Variants in BCL2L14 observed in about 807,000 individuals in gnomAD.
BCL2L14 encodes the protein BCL2 like 14.
BCL2L14 carries 27 observed loss-of-function variants against 35.3 expected under a neutral mutation model. That is an observed-to-expected ratio of 0.76 (90% CI 0.56 to 1.05). The LOEUF is 1.05. Among genes scored for constraint, BCL2L14 ranks in the 50% least tolerant of loss-of-function variants. The pLI is 0.00. For synonymous variants in BCL2L14, 139 were observed against 145.9 expected (o/e 0.95, Z 0.34); for missense variants, 377 against 382.6 (o/e 0.99, Z 0.12).
Position 12,064,423 on chromosome 12 carries a change from T to G in BCL2L14, c.-272+12576T>G, listed in dbSNP as rs190524718. ...CACCCAAAAGGTGTGAGCTACCATA[T>G]CCCACCTACTTAACTCTTTTGTATC... On this transcript the variant is annotated intron_variant, in intron 2 of 3. Transcript: ENST00000461264. Among the ~76,000 whole-genome samples, 430 of 152,228 alleles carry G rather than the reference T, an allele frequency of 2.8e-3. 3 individuals carry two copies. The highest frequency in any genetic ancestry group is 9.8e-3 in the African/African-American group (409 of 41,542).
chr12:12,088,645 T>C (rs539409751), intron 3 of BCL2L14, among the ~76,000 whole-genome samples: 1 of 152,198 alleles, frequency 6.6e-6, no homozygotes, highest in African/African-American at 2.4e-5. Context: ...TCCCGAGAAC[T>C]TCCTTACCCT....
At chr12:12,059,452 C>T (rs1435573569) in intron 2 of BCL2L14, among the ~76,000 whole-genome samples, 1 of 152,032 alleles carries the variant, frequency 6.6e-6, no homozygotes, top group Non-Finnish European at 1.5e-5. Flanking sequence ...CTCTGTGCCC[C>T]AATCCCTTAT....
intron 2 of BCL2L14, among the ~76,000 whole-genome samples, chr12:12,059,071 G>A (rs1376374006): frequency 1.1e-4 from 16 of 152,250 alleles, no homozygotes; most frequent in African/African-American, 1.9e-4. Context: ...AAGGAGACAC[G>A]TTTTATCCGT....
intron 5 of BCL2L14, chr12:12,095,993 T>A: frequency 1.0e-6 from 1 of 985,364 alleles, no homozygotes; most frequent in Non-Finnish European, 1.2e-6. Context: ...GAGGACAGGT[T>A]CCTCAACATT....
intron 1 of BCL2L14, among the ~76,000 whole-genome samples, chr12:12,076,618 C>T (rs1403688600): frequency 6.6e-6 from 1 of 152,144 alleles, no homozygotes; most frequent in Non-Finnish European, 1.5e-5. Flanking sequence ...TTTTTGTCCC[C>T]TCCAGCATCA....
At chr12:12,050,546 C>T (rs977473911) in intron 1 of BCL2L14, among the ~76,000 whole-genome samples, 3 of 151,484 alleles carry the variant, frequency 2.0e-5, no homozygotes, top group Non-Finnish European at 4.4e-5. Flanking sequence ...AGTGAGGAGT[C>T]TGCAAAAACA....
intron 2 of BCL2L14, among the ~76,000 whole-genome samples, chr12:12,052,995 T>G (rs1043861158): frequency 1.3e-5 from 2 of 152,224 alleles, no homozygotes; most frequent in African/African-American, 4.8e-5. Context: ...CTTGTTTCAC[T>G]GATGCAGCAC....
At chr12:12,088,614 T>C (rs1034795432) in intron 3 of BCL2L14, among the ~76,000 whole-genome samples, 1 of 152,206 alleles carries the variant, frequency 6.6e-6, no homozygotes, top group African/African-American at 2.4e-5. Context: ...TTGGGGCTGC[T>C]TTTCATTAAA....
intron 5 of BCL2L14, chr12:12,095,803 A>G (rs1949301540): frequency 1.0e-6 from 1 of 985,340 alleles, no homozygotes; most frequent in African/African-American, 1.7e-5. Context: ...GATCTTGCCC[A>G]AGGGTCTGAA....
intron 3 of BCL2L14, among the ~76,000 whole-genome samples, chr12:12,088,841 C>T (rs1445504490): frequency 4.0e-5 from 6 of 151,876 alleles, no homozygotes; most frequent in South Asian, 2.1e-4. Context: ...CTCAGGGGAC[C>T]GTGTGAAGAG....
intron 2 of BCL2L14, among the ~76,000 whole-genome samples, chr12:12,053,728 C>G (rs1948391966): frequency 6.6e-6 from 1 of 152,098 alleles, no homozygotes; most frequent in Non-Finnish European, 1.5e-5. Flanking sequence ...AATATAACTT[C>G]TTTTGCATTC....
chr12:12,051,153 G>C (rs1186725906), intron 1 of BCL2L14, among the ~76,000 whole-genome samples: 3 of 152,194 alleles, frequency 2.0e-5, no homozygotes, highest in Non-Finnish European at 2.9e-5. Flanking sequence ...ATAAGAGTGA[G>C]GGAGGGGTTA....
intron 2 of BCL2L14, among the ~76,000 whole-genome samples, chr12:12,052,866 C>T (rs932373788): frequency 6.6e-6 from 1 of 152,252 alleles, no homozygotes; most frequent in African/African-American, 2.4e-5. Flanking sequence ...GAGTATACGT[C>T]TGAGCATTCC....
In BCL2L14 at chr12:12,094,810, A is replaced by C; in HGVS notation, c.825A>C (p.Val275=). Residue 275 remains valine, a synonymous_variant, in exon 5 of 6, where the codon GTA becomes GTC. Transcript: ENST00000308721. ...CTCAGGGCTTTAAGGCTGCCCTTGTAATAGACGTCACGGCCAAGCTCACAG... is the reference window on the plus strand; with the variant it reads ...CTCAGGGCTTTAAGGCTGCCCTTGTCATAGACGTCACGGCCAAGCTCACAG... ...VKAQGFKAAL[V]IDVTAKLTAI... The C allele has an allele frequency of 6.2e-7, 1 of 1,614,200 alleles. No individual in the cohort carries two copies. The highest frequency in any genetic ancestry group is 8.5e-7 in the Non-Finnish European group (1 of 1,180,032).
rs145845144 is a variant in BCL2L14 at position 12,091,497 on chromosome 12, C to T, written c.678+648C>T. ...GCCTCCTGGGTCCATAACCCACAGA[C>T]GACTGAGTAGTCTCTAGAATCTGTC... On this transcript the variant is annotated intron_variant, in intron 4 of 5. Transcript: ENST00000308721. Among the ~76,000 whole-genome samples the T allele has an allele frequency of 4.2e-3, 645 of 152,314 alleles. 4 individuals carry two copies. Among genetic ancestry groups the T allele is most frequent in the African/African-American group, 0.015 (611 of 41,572 alleles).
chr12:12,074,323 G>A (rs958846761), intron 1 of BCL2L14, among the ~76,000 whole-genome samples: 3 of 152,146 alleles, frequency 2.0e-5, no homozygotes, highest in South Asian at 2.1e-4. Context: ...AGCATCAAGC[G>A]CTACTCTAGG....
chr12:12,075,436 T>TCTTTC (rs1555089781), intron 1 of BCL2L14, among the ~76,000 whole-genome samples: 1 of 89,836 alleles, frequency 1.1e-5, no homozygotes, highest in Admixed American at 1.0e-4. Context: ...TTTCTTTCTT[T>TCTTTC]TTTTTTTGAG....
At chr12:12,060,874 C>T (rs1948513263) in intron 2 of BCL2L14, among the ~76,000 whole-genome samples, 1 of 106,636 alleles carries the variant, frequency 9.4e-6, no homozygotes, top group Non-Finnish European at 1.9e-5. Flanking sequence ...TGCCCGATAG[C>T]TTCGGAAGTC....
chr12:12,070,787 C>T (rs1194173380), upstream of BCL2L14: 1 of 152,162 alleles, frequency 6.6e-6, no homozygotes, highest in Admixed American at 6.5e-5. Flanking sequence ...TATCAGAACA[C>T]CCACCTAGTT....
Sources: allele counts gnomAD v4.1 joint callset (sites outside exome capture counted in the v4.1 genomes callset), GRCh38; gene constraint gnomAD v4.1.1; transcripts MANE v1.5; gene names NCBI Gene and HGNC (gene_info 2026-07-23, HGNC 2026-07-21).